The following RPP14 variants were observed in gnomAD, a reference collection of about 807,000 sequenced individuals.
RPP14 encodes ribonuclease P protein subunit p14.
RPP14 carries 19 observed loss-of-function variants against 17.8 expected under a neutral mutation model. The observed-to-expected ratio is 1.07, with a 90% CI of 0.74 to 1.57. The LOEUF is 1.57. Among genes scored for constraint, RPP14 ranks in the 40% most tolerant of loss-of-function variants. The pLI is 0.00. For synonymous variants in RPP14, 60 were observed against 56.4 expected (o/e 1.06, Z -0.29); for missense variants, 125 against 140.8 (o/e 0.89, Z 0.57).
At chr3:58,313,369 T>G (rs1033921018) in intron 3 of RPP14, among the ~76,000 whole-genome samples, 3 of 152,218 alleles carry the variant, frequency 2.0e-5, no homozygotes, top group Admixed American at 2.0e-4. Context: ...GACCAGCATT[T>G]TAAGCAACTT....
At position 58,310,519 on chromosome 3, in the gene RPP14, TTG is replaced by T; in HGVS notation, c.93_94del (p.Cys31TrpfsTer25). 6.2e-7 allele frequency: 1 copy of T among 1,610,620 alleles called. No individual in the cohort carries two copies. Among genetic ancestry groups the T allele is most frequent in the Non-Finnish European group, 8.5e-7 (1 of 1,179,072 alleles). On this transcript the variant is annotated frameshift_variant, in exon 3 of 6. Coordinates refer to ENST00000295959, the MANE Select transcript of RPP14 (RefSeq NM_007042.6). LOFTEE classifies it high-confidence loss of function. The part of the protein sequence containing the change: ...YMKVCLEFQD[C>X]GVGLNAAQFK... ...TCACTTTTTTTAGAGAATTTCAAGATTGTGGAGTTGGACTGAATGCTGCACAG... is the reference window on the plus strand; with the variant it reads ...TCACTTTTTTTAGAGAATTTCAAGATTGGAGTTGGACTGAATGCTGCACAG...
rs1327877228 is a variant in RPP14 at position 58,317,470 on chromosome 3, A to G, written c.349A>G (p.Asn117Asp). ...VSPFLLALSG[N>D]SRELVLD ...TCCATTTCTTCTTGCATTATCTGGT[A>G]ATAGTAGGGAACTAGTATTGGATTG... Residue 117 changes from asparagine (N) to aspartate (D), a missense_variant, in exon 6 of 6, where the codon AAT (asparagine) becomes GAT (aspartate). Transcript: ENST00000295959. The G allele has an allele frequency of 3.8e-6, 6 of 1,598,736 alleles. 1 individual carries two copies. In the East Asian group the frequency reaches 6.7e-5, roughly 18 times the overall value.
intron 1 of RPP14, chr3:58,307,842 G>A (rs2107497850): frequency 6.6e-6 from 1 of 151,902 alleles, no homozygotes; most frequent in African/African-American, 2.4e-5. Context: ...AGCCTGCAGA[G>A]GGCAGTGCTG....
chr3:58,313,055 C>T (rs550155753), intron 3 of RPP14, among the ~76,000 whole-genome samples: 17 of 151,638 alleles, frequency 1.1e-4, no homozygotes, highest in Non-Finnish European at 1.6e-4. Flanking sequence ...CAAGGTCAGC[C>T]GATCAAGACC....
intron 3 of RPP14, among the ~76,000 whole-genome samples, chr3:58,315,268 C>T (rs757586790): frequency 5.9e-5 from 9 of 151,588 alleles, no homozygotes; most frequent in Non-Finnish European, 8.8e-5. Context: ...TTATGCTGAG[C>T]GAAAAAAAGC....
chr3:58,318,074 T>G lies in RPP14; in HGVS notation c.*578T>G, dbSNP rs1370027951. 1.5e-6 allele frequency: 1 copy of G among 679,086 alleles called. No homozygotes were observed. The highest frequency in any genetic ancestry group is 2.3e-5 in the Admixed American group (1 of 43,566). The allele number at this position is 679,086 out of a possible 1,614,324, so 42.1% of individuals were successfully genotyped here. On this transcript the variant is annotated 3_prime_UTR_variant, in exon 6 of 6. Coordinates refer to ENST00000295959, the MANE Select transcript of RPP14 (RefSeq NM_007042.6). The stretch of plus-strand genomic sequence containing the variant: ...GTAATAGAAAGTAAAAAGACTGTTA[T>G]GGAAGGCTGGGTTAAAGTTATGGTT...
Position 58,317,719 on chromosome 3 carries a change from A to G in RPP14, c.*223A>G. On this transcript the variant is annotated 3_prime_UTR_variant, in exon 6 of 6. Transcript: ENST00000295959. ...CCTGCAGCACTTTCAGCATATGCAC[A>G]TCAAAGTTGGAGACCGCGCTGAACT... The G allele has an allele frequency of 1.4e-6, 1 of 703,942 alleles. No homozygotes were observed. The highest frequency in any genetic ancestry group is 2.7e-5 in the East Asian group (1 of 37,298). 43.6% of individuals were successfully genotyped at this position (703,942 alleles called of 1,614,324 possible).
At chr3:58,313,271 C>T (rs377138698) in intron 3 of RPP14, among the ~76,000 whole-genome samples, 31 of 152,084 alleles carry the variant, frequency 2.0e-4, no homozygotes, top group African/African-American at 7.0e-4. Flanking sequence ...AAAAAAGGCT[C>T]CTCATGAAAA....
chr3:58,314,675 ATTTTTTTTTTTTTT>A (rs751757663), intron 3 of RPP14, among the ~76,000 whole-genome samples: 3 of 90,582 alleles, frequency 3.3e-5, no homozygotes, highest in Admixed American at 3.4e-4. Context: ...GTTTGGCAGT[ATTTTTTTTTTTTTT>A]TTTTTTTTTT....
intron 3 of RPP14, among the ~76,000 whole-genome samples, chr3:58,312,369 C>T (rs1008685569): frequency 2.4e-5 from 3 of 123,832 alleles, no homozygotes; most frequent in East Asian, 3.0e-4. Flanking sequence ...AAGTGATTCT[C>T]CTGCCTCAGC....
In RPP14 at chr3:58,319,472, G is replaced by A. The variant is rs1045115; in HGVS notation, c.*1976G>A. Reference sequence around the variant, plus strand: ...TGAGGTGAGAGGTTTTCCTGAGTTTGAAGCTGACTGGCCCACAGTTAAACG... The same window carrying A: ...TGAGGTGAGAGGTTTTCCTGAGTTTAAAGCTGACTGGCCCACAGTTAAACG... On this transcript the variant is annotated 3_prime_UTR_variant, in exon 6 of 6. Coordinates refer to ENST00000295959, the MANE Select transcript of RPP14 (RefSeq NM_007042.6). 10,694 of 152,230 alleles carry A rather than the reference G, an allele frequency of 0.07. 497 individuals carry two copies. Among genetic ancestry groups the A allele is most frequent in the South Asian group, 0.1 (494 of 4,824 alleles). The allele number at this position is 152,230 out of a possible 1,614,324, so 9.4% of individuals were successfully genotyped here. A position where few individuals can be genotyped will look rare whatever the true frequency, so the allele number is the denominator to read the frequency against.
Position 58,317,946 on chromosome 3 carries a change from A to T in RPP14, c.*450A>T. ...CAGGCTGTGTATTTCTTTCCCAGGA[A>T]ATTAGCTTTCCAGCCCCTTTATATA... On this transcript the variant is annotated 3_prime_UTR_variant, in exon 6 of 6. Transcript: ENST00000295959. 1.4e-6 allele frequency: 1 copy of T among 702,880 alleles called. No individual in the cohort carries two copies. The allele number at this position is 702,880 out of a possible 1,614,324, so 43.5% of individuals were successfully genotyped here.
At chr3:58,316,707 G>A in intron 4 of RPP14, 116 bp downstream of exon 4, 1 of 1,029,192 alleles carries the variant, frequency 9.7e-7, no homozygotes, top group Non-Finnish European at 1.5e-6. Flanking sequence ...AGCAGCTTTT[G>A]GGAATTTAAA....
chr3:58,306,668 G>A (rs1458385564), intron 1 of RPP14: 1 of 152,256 alleles, frequency 6.6e-6, no homozygotes. Context: ...GCTAAATAGT[G>A]GTTGTTGAAA....
chr3:58,312,960 CAAAAA>C (rs35853424), intron 3 of RPP14, among the ~76,000 whole-genome samples: 3 of 79,040 alleles, frequency 3.8e-5, no homozygotes, highest in African/African-American at 1.5e-4. Flanking sequence ...GACTCTGTCT[CAAAAA>C]AAAAAAAAAA....
In RPP14 at chr3:58,317,425, TTCTTTC is replaced by T; in HGVS notation, c.319-10_319-5del. The T allele has an allele frequency of 6.4e-7, 1 of 1,574,554 alleles. No homozygotes were observed. Among genetic ancestry groups the T allele is most frequent in the Non-Finnish European group, 8.7e-7 (1 of 1,147,336 alleles). ...GGTTTCTCCCAATGCCTTAACCTTT[TTCTTTC>T]TCTTCTAGGTTTCTCCATTTCTTCT... On this transcript the variant is annotated splice_polypyrimidine_tract_variant and intron_variant, in intron 5 of 5. Transcript: ENST00000295959.
Position 58,317,421 on chromosome 3 carries a change from C to T in RPP14, c.319-19C>T. 1 of 1,566,076 alleles carries T rather than the reference C, an allele frequency of 6.4e-7. No homozygotes were observed. The highest frequency in any genetic ancestry group is 8.8e-7 in the Non-Finnish European group (1 of 1,140,116). On this transcript the variant is annotated intron_variant, in intron 5 of 5. Coordinates refer to ENST00000295959, the MANE Select transcript of RPP14 (RefSeq NM_007042.6). Reference sequence around the variant, plus strand: ...GTGTGGTTTCTCCCAATGCCTTAACCTTTTTCTTTCTCTTCTAGGTTTCTC... The same window carrying T: ...GTGTGGTTTCTCCCAATGCCTTAACTTTTTTCTTTCTCTTCTAGGTTTCTC...
chr3:58,307,137 C>G (rs1399020997), intron 1 of RPP14, among the ~76,000 whole-genome samples: 1 of 152,088 alleles, frequency 6.6e-6, no homozygotes, highest in Non-Finnish European at 1.5e-5. Context: ...CTAGGCTAGG[C>G]CTGTGTGGTG....
chr3:58,307,015 A>G (rs953161067), intron 1 of RPP14, among the ~76,000 whole-genome samples: 2 of 152,196 alleles, frequency 1.3e-5, no homozygotes, highest in African/African-American at 4.8e-5. Context: ...TAAGCCAGGA[A>G]GGGGGCAAGG....
Sources: allele counts gnomAD v4.1 joint callset (sites outside exome capture counted in the v4.1 genomes callset), GRCh38; gene constraint gnomAD v4.1.1; transcripts MANE v1.5; gene names NCBI Gene and HGNC (gene_info 2026-07-23, HGNC 2026-07-21).